The following CEP95 variants were observed in gnomAD, a reference collection of about 807,000 sequenced individuals.
CEP95 encodes centrosomal protein 95.
A neutral mutation model predicts 111.2 loss-of-function variants in CEP95; 98 were observed. The ratio of observed to expected loss-of-function variants is 0.88; its 90% CI spans 0.75 to 1.04. CEP95 has a LOEUF of 1.04. Among genes scored for constraint, CEP95 ranks in the 50% least tolerant of loss-of-function variants. The pLI, the probability that CEP95 is intolerant of heterozygous loss-of-function variation, is 0.00. For synonymous variants in CEP95, 323 were observed against 327.1 expected (o/e 0.99, Z 0.14); for missense variants, 1,027 against 977.2 (o/e 1.05, Z -0.68).
Position 64,507,065 on chromosome 17 carries a change from C to T in CEP95, c.-33C>T. 1 of 1,550,714 alleles carries T rather than the reference C, an allele frequency of 6.4e-7. No individual in the cohort carries two copies. Among genetic ancestry groups the T allele is most frequent in the South Asian group, 1.2e-5 (1 of 84,046 alleles). ...CAGGACACCGTCGCCTTCCCGGCCG[C>T]GTCGGAGTCCGGCGGCGACCTGCCT... On this transcript the variant is annotated 5_prime_UTR_variant, in exon 1 of 20. Coordinates refer to ENST00000556440, the MANE Select transcript of CEP95 (RefSeq NM_138363.3).
intron 14 of CEP95, chr17:64,532,570 A>G: frequency 8.1e-7 from 1 of 1,235,072 alleles, no homozygotes; most frequent in Non-Finnish European, 1.0e-6. Flanking sequence ...TAGAGAATCT[A>G]CCCACAGGCA....
chr17:64,525,117 G>C (rs1555678798), intron 8 of CEP95, among the ~76,000 whole-genome samples: 1 of 152,016 alleles, frequency 6.6e-6, no homozygotes. Context: ...GAGGCGGGTG[G>C]ATCACTCGAG....
intron 1 of CEP95, chr17:64,507,427 G>T (rs2038614310): frequency 7.4e-7 from 1 of 1,353,518 alleles, no homozygotes. Flanking sequence ...GGGGCGTCTA[G>T]CCGCTGTCCG....
At chr17:64,508,789 GAT>G (rs1185613019) in intron 2 of CEP95, 69 bp downstream of exon 2, 2 of 657,890 alleles carry the variant, frequency 3.0e-6, no homozygotes, top group Admixed American at 6.6e-5. Context: ...CCTTTAGTTA[GAT>G]TCTTTGATAT....
At chr17:64,511,602 C>G (rs920814265) in intron 3 of CEP95, among the ~76,000 whole-genome samples, 5 of 152,162 alleles carry the variant, frequency 3.3e-5, no homozygotes, top group African/African-American at 1.2e-4. Flanking sequence ...ATTGTTCAAA[C>G]ACACATGCTC....
chr17:64,537,063 T>C lies in CEP95; in HGVS notation c.2240T>C (p.Ile747Thr), dbSNP rs1968707787. Reference sequence around the variant, plus strand: ...CAGTTTTCATTGCTGGCAGAAGCCATATCACAGGAACATCAAGAACTTAAA... The same window carrying C: ...CAGTTTTCATTGCTGGCAGAAGCCACATCACAGGAACATCAAGAACTTAAA... ...KDQFSLLAEAISQEHQELKAR... is the reference protein window; with the variant it reads ...KDQFSLLAEATSQEHQELKAR... The change falls in exon 19 of 20, where the codon ATA becomes ACA. Residue 747 changes from isoleucine to threonine, a missense_variant. Transcript: ENST00000556440. 1 of 1,612,946 alleles carries C rather than the reference T, an allele frequency of 6.2e-7. No individual in the cohort carries two copies. Among genetic ancestry groups the C allele is most frequent in the Non-Finnish European group, 8.5e-7 (1 of 1,179,358 alleles).
At chr17:64,530,837 A>T in intron 12 of CEP95, 89 bp from the exon 13 acceptor site, 1 of 679,598 alleles carries the variant, frequency 1.5e-6, no homozygotes. Context: ...TCTCCTGTTT[A>T]CTAGACAGGT....
In CEP95 at chr17:64,534,857, A is replaced by G. The variant is rs1262875940; in HGVS notation, c.2070+120A>G. ...AATCCAAAATCTAAACTGAAGTCCT[A>G]TAGTGCTGGCCCTGAGTTCTGCTTG... On this transcript the variant is annotated intron_variant, in intron 17 of 19. Transcript: ENST00000556440. The G allele has an allele frequency of 2.1e-5, 25 of 1,183,604 alleles. No homozygotes were observed. In the East Asian group the frequency reaches 5.4e-4, roughly 26 times the overall value. 73.3% of individuals were successfully genotyped at this position (1,183,604 alleles called of 1,614,324 possible). A position where few individuals can be genotyped will look rare whatever the true frequency, so the allele number is the denominator to read the frequency against.
In CEP95 at chr17:64,537,753, C is replaced by CAAAA; in HGVS notation, c.2441_2442insAAAA (p.Tyr815LysfsTer4). ...ATCTCGGCTTCAGCTGGCTTCCTTT[C>CAAAA]AGTACAGTAAAAGTCCCTCCCTATG... On this transcript the variant is annotated frameshift_variant, in exon 20 of 20. Transcript: ENST00000556440. LOFTEE classifies it high-confidence loss of function. 1 of 1,605,916 alleles carries CAAAA rather than the reference C, an allele frequency of 6.2e-7. No individual in the cohort carries two copies. Among genetic ancestry groups the CAAAA allele is most frequent in the Non-Finnish European group, 8.5e-7 (1 of 1,176,060 alleles).
intron 9 of CEP95, 42 bp from the exon 10 acceptor site, chr17:64,526,029 A>G (rs1967789403): frequency 6.3e-7 from 1 of 1,589,296 alleles, no homozygotes; most frequent in Non-Finnish European, 8.5e-7. Context: ...TAAATAATAG[A>G]CACCTAGCTA....
intron 7 of CEP95, among the ~76,000 whole-genome samples, chr17:64,522,179 C>A (rs1967396315): frequency 6.6e-6 from 1 of 152,096 alleles, no homozygotes; most frequent in Non-Finnish European, 1.5e-5. Flanking sequence ...TTCTTATTAT[C>A]ATCTCTGGAA....
intron 3 of CEP95, among the ~76,000 whole-genome samples, chr17:64,512,607 T>G (rs1322896050): frequency 1.3e-5 from 2 of 152,242 alleles, no homozygotes; most frequent in African/African-American, 2.4e-5. Flanking sequence ...ACTGTTGATT[T>G]ATTCTTTGAT....
chr17:64,527,796 C>T (rs781978456), intron 11 of CEP95, among the ~76,000 whole-genome samples: 1 of 151,056 alleles, frequency 6.6e-6, no homozygotes, highest in African/African-American at 2.4e-5. Context: ...ATATGTATAG[C>T]AGTATCCATT....
In CEP95 at chr17:64,530,920, C is replaced by CT; in HGVS notation, c.1447-3dup. 1 of 1,525,346 alleles carries CT rather than the reference C, an allele frequency of 6.6e-7. No homozygotes were observed. The highest frequency in any genetic ancestry group is 8.9e-7 in the Non-Finnish European group (1 of 1,125,478). 94.5% of individuals were successfully genotyped at this position (1,525,346 alleles called of 1,614,324 possible). A position where few individuals can be genotyped will look rare whatever the true frequency, so the allele number is the denominator to read the frequency against. On this transcript the variant is annotated splice_polypyrimidine_tract_variant and splice_region_variant and intron_variant, in intron 12 of 19. Coordinates refer to ENST00000556440, the MANE Select transcript of CEP95 (RefSeq NM_138363.3). ...TAACTGTAATATATGACCTTTTCCC[C>CT]TTTAGGCGTTTACTGAAGCATTTGA... is the stretch of plus-strand genomic sequence containing the variant.
At chr17:64,521,700 G>A (rs1438265453) in intron 7 of CEP95, among the ~76,000 whole-genome samples, 173 bp downstream of exon 7, 1 of 150,872 alleles carries the variant, frequency 6.6e-6, no homozygotes, top group Non-Finnish European at 1.5e-5. Context: ...GCTTAACATG[G>A]TCTTTGGTTG....
intron 11 of CEP95, 123 bp downstream of exon 11, chr17:64,527,387 G>A (rs572548038): frequency 2.9e-6 from 2 of 697,104 alleles, no homozygotes; most frequent in African/African-American, 3.7e-5. Flanking sequence ...AGGATCAAAA[G>A]TAATATCAAA....
chr17:64,513,759 TTTA>T (rs1405338384), intron 3 of CEP95, among the ~76,000 whole-genome samples: 2 of 151,978 alleles, frequency 1.3e-5, no homozygotes, highest in East Asian at 3.9e-4. Context: ...TCCCAACAAG[TTTA>T]TTGTTTTTTT....
chr17:64,508,739 G>A lies in CEP95; in HGVS notation c.148+19G>A. ...GTACCAGGTAAGAATACTAAAAGCA[G>A]GAGTAATTTTGCCTATATCTTAGGC... On this transcript the variant is annotated intron_variant, in intron 2 of 19. Transcript: ENST00000556440. 1 of 1,338,134 alleles carries A rather than the reference G, an allele frequency of 7.5e-7. No homozygotes were observed. The highest frequency in any genetic ancestry group is 2.8e-5 in the Admixed American group (1 of 35,376). 82.9% of individuals were successfully genotyped at this position (1,338,134 alleles called of 1,614,324 possible). A position where few individuals can be genotyped will look rare whatever the true frequency, so the allele number is the denominator to read the frequency against.
chr17:64,529,748 C>T (rs1436456812), intron 12 of CEP95, among the ~76,000 whole-genome samples: 1 of 152,102 alleles, frequency 6.6e-6, no homozygotes, highest in Non-Finnish European at 1.5e-5. Flanking sequence ...ACGTGAAAGG[C>T]CACTTGAGTT....
Sources: gnomAD v4.1 joint callset for allele counts (sites outside exome capture counted in the v4.1 genomes callset) on GRCh38, gnomAD v4.1.1 for gene constraint, MANE v1.5 for transcripts, NCBI Gene and HGNC (gene_info 2026-07-23, HGNC 2026-07-21) for gene names.